The following TESC variants were observed in gnomAD, a reference collection of about 807,000 sequenced individuals.
TESC encodes tescalcin.
TESC carries 19 observed loss-of-function variants against 31.0 expected under a neutral mutation model. That is an observed-to-expected ratio of 0.61 (90% CI 0.43 to 0.90). TESC has a LOEUF of 0.90. Ranked by LOEUF, TESC falls within the 40% of genes least tolerant of loss-of-function variation. The probability of loss-of-function intolerance (pLI) is 0.00; values close to 1 mark genes in which losing one functional copy is unlikely to be tolerated. For missense variants in TESC, 248 were observed against 303.8 expected, an observed-to-expected ratio of 0.82 and a Z score of 1.36; for synonymous variants, 109 against 114.8, an observed-to-expected ratio of 0.95 and a Z score of 0.32.
intron 2 of TESC, among the ~76,000 whole-genome samples, chr12:117,059,897 C>G (rs1422753234): frequency 1.3e-5 from 2 of 152,246 alleles, no homozygotes; most frequent in East Asian, 1.9e-4. Flanking sequence ...TGTCCAGGAA[C>G]GAGATTCTCA....
rs538765099 is a variant in TESC, at chr12:117,084,882, A to C, written c.59-9542T>G. On this transcript the variant is annotated intron_variant, in intron 1 of 7. Transcript: ENST00000335209. ...GGCCCCCAGGAGTGTGTGGGCCCTG[A>C]GGGGCACCCCCAAGGCCCCACCTGT... 4.6e-5 allele frequency among the ~76,000 whole-genome samples: 7 copies of C among 152,284 alleles called. No individual in the cohort carries two copies. In the South Asian group the frequency reaches 1.2e-3, roughly 27 times the overall value.
chr12:117,093,797 T>C (rs78004431), intron 1 of TESC, among the ~76,000 whole-genome samples: 3 of 149,614 alleles, frequency 2.0e-5, no homozygotes, highest in Non-Finnish European at 4.5e-5. Context: ...TTTTTTTTTT[T>C]CCTTTTCCTT....
At chr12:117,094,989 T>C (rs1955370689) in intron 1 of TESC, among the ~76,000 whole-genome samples, 1 of 144,626 alleles carries the variant, frequency 6.9e-6, no homozygotes, top group Non-Finnish European at 1.5e-5. Flanking sequence ...GCACTCCAGC[T>C]TGGGCAACAA....
Position 117,039,108 on chromosome 12 carries a change from G to A in TESC, c.*25C>T, listed in dbSNP as rs1002063162. 11 of 1,612,304 alleles carry A rather than the reference G, an allele frequency of 6.8e-6. No homozygotes were observed. Among genetic ancestry groups the A allele is most frequent in the Non-Finnish European group, 8.5e-6 (10 of 1,179,308 alleles). On this transcript the variant is annotated 3_prime_UTR_variant, in exon 8 of 8. Coordinates refer to ENST00000335209, the MANE Select transcript of TESC (RefSeq NM_017899.4). ...GGAGGCGGCCCCATTGCAAAGTGCA[G>A]TTTCTCCGCGGAGGTGGCGGTGGGT...
chr12:117,066,689 T>C (rs1593008049), intron 2 of TESC, among the ~76,000 whole-genome samples: 1 of 152,120 alleles, frequency 6.6e-6, no homozygotes, highest in Non-Finnish European at 1.5e-5. Context: ...GCTCATGTTA[T>C]AGCATGAACT....
At chr12:117,069,527 T>C (rs944460540) in intron 2 of TESC, among the ~76,000 whole-genome samples, 1 of 147,824 alleles carries the variant, frequency 6.8e-6, no homozygotes, top group Non-Finnish European at 1.5e-5. Context: ...AGTGAGCCAC[T>C]GCGCCCGGCC....
At chr12:117,075,891 A>ATATGTGTG (rs1955056547) in intron 1 of TESC, among the ~76,000 whole-genome samples, 3 of 69,124 alleles carry the variant, frequency 4.3e-5, no homozygotes, top group Admixed American at 1.3e-4. Context: ...ATATATATAT[A>ATATGTGTG]TATATATATA....
chr12:117,058,669 G>A (rs577804932), intron 2 of TESC, among the ~76,000 whole-genome samples: 1 of 150,818 alleles, frequency 6.6e-6, no homozygotes, highest in East Asian at 1.9e-4. Flanking sequence ...TTTAAGCCCA[G>A]GAGTTCAAGG....
At chr12:117,042,087 A>G in intron 6 of TESC, 93 bp from the exon 7 acceptor site, 1 of 1,281,406 alleles carries the variant, frequency 7.8e-7, no homozygotes, top group East Asian at 2.6e-5. Context: ...CTCCCCACCA[A>G]TACCCAAATG....
intron 3 of TESC, among the ~76,000 whole-genome samples, chr12:117,054,848 A>G (rs1430949483): frequency 6.6e-6 from 1 of 152,098 alleles, no homozygotes; most frequent in Non-Finnish European, 1.5e-5. Flanking sequence ...CTTTGCAGAC[A>G]TGGGGACCGT....
intron 1 of TESC, among the ~76,000 whole-genome samples, chr12:117,097,151 C>T (rs1261537088): frequency 6.6e-6 from 1 of 152,178 alleles, no homozygotes; most frequent in African/African-American, 2.4e-5. Flanking sequence ...TTACGCAGTC[C>T]CTTTCGGAGG....
At chr12:117,055,433 G>T (rs1463320224) in intron 3 of TESC, among the ~76,000 whole-genome samples, 1 of 152,086 alleles carries the variant, frequency 6.6e-6, no homozygotes, top group African/African-American at 2.4e-5. Context: ...GTGAGCCGCC[G>T]CACCTGACCG....
At chr12:117,057,988 G>A (rs1255901890) in intron 2 of TESC, among the ~76,000 whole-genome samples, 1 of 152,180 alleles carries the variant, frequency 6.6e-6, no homozygotes, top group Non-Finnish European at 1.5e-5. Context: ...GGGAGGCCGA[G>A]GCAGGCGGAT....
At chr12:117,042,821 G>A (rs546905588) in intron 6 of TESC, among the ~76,000 whole-genome samples, 3 of 152,240 alleles carry the variant, frequency 2.0e-5, no homozygotes, top group African/African-American at 4.8e-5. Context: ...CATAAATCTC[G>A]GTCATCCACG....
chr12:117,046,913 A>G, intron 4 of TESC, 75 bp from the exon 5 acceptor site: 1 of 1,470,362 alleles, frequency 6.8e-7, no homozygotes, highest in South Asian at 1.2e-5. Flanking sequence ...TGTACACTAA[A>G]CTAAGCAAAA....
intron 1 of TESC, among the ~76,000 whole-genome samples, chr12:117,090,511 G>C (rs1379091040): frequency 6.6e-6 from 1 of 152,216 alleles, no homozygotes; most frequent in Non-Finnish European, 1.5e-5. Flanking sequence ...CAAGAGCTTT[G>C]CCCAAATTCT....
chr12:117,039,823 G>A (rs143765648), intron 7 of TESC, among the ~76,000 whole-genome samples: 29 of 152,206 alleles, frequency 1.9e-4, no homozygotes, highest in African/African-American at 6.5e-4. Flanking sequence ...CCCCATTCCT[G>A]GTGCTGGTAC....
At chr12:117,067,049 G>A (rs987299523) in intron 2 of TESC, among the ~76,000 whole-genome samples, 1 of 152,144 alleles carries the variant, frequency 6.6e-6, no homozygotes, top group African/African-American at 2.4e-5. Context: ...TCTCACCTAA[G>A]CAGATGTGCG....
At chr12:117,098,419 C>T (rs930020286) in intron 1 of TESC, 3 of 152,522 alleles carry the variant, frequency 2.0e-5, no homozygotes, top group African/African-American at 7.2e-5. Flanking sequence ...CCAGTCCACA[C>T]CCTGGTCCAC....
Sources: gnomAD v4.1 joint callset for allele counts (sites outside exome capture counted in the v4.1 genomes callset) on GRCh38, gnomAD v4.1.1 for gene constraint, MANE v1.5 for transcripts, NCBI Gene and HGNC (gene_info 2026-07-23, HGNC 2026-07-21) for gene names.